ANK3: variants seen among roughly 807,000 people sequenced by gnomAD.
The protein encoded by ANK3 is ankyrin 3.
ANK3 carries 57 observed loss-of-function variants against 370.9 expected under a neutral mutation model. That is an observed-to-expected ratio of 0.15 (90% CI 0.12 to 0.19). The LOEUF (loss-of-function observed/expected upper bound fraction) is 0.19, where lower values mean the gene tolerates loss of function less well. ANK3 is among the 10% of genes least tolerant of loss of function. ANK3 has a pLI of 1.00. For synonymous variants in ANK3, 1,929 were observed against 1,946.3 expected, an observed-to-expected ratio of 0.99 and a Z score of 0.23; for missense variants, 4,439 against 5,302.1, an observed-to-expected ratio of 0.84 and a Z score of 5.06.
At chr10:60,543,720 T>A (rs141939329) in intron 2 of ANK3, among the ~76,000 whole-genome samples, 8 of 152,206 alleles carry the variant, frequency 5.3e-5, no homozygotes, top group Middle Eastern at 3.4e-3. Context: ...TAAAATTTAA[T>A]CTAAAATTTT....
At chr10:60,582,595 G>A (rs1178096569) in intron 2 of ANK3, among the ~76,000 whole-genome samples, 4 of 151,288 alleles carry the variant, frequency 2.6e-5, no homozygotes, top group African/African-American at 9.7e-5. Context: ...GTCACTATGT[G>A]GCTCTGGACA....
At chr10:60,357,393 CATCACCTCCCTCTTATCTTCCACTATCG>C (rs1454723406) in intron 1 of ANK3, among the ~76,000 whole-genome samples, 3 of 152,154 alleles carry the variant, frequency 2.0e-5, no homozygotes, top group African/African-American at 7.2e-5. Context: ...TCCGCCTATC[CATCACCTCCCTCTTATCTTCCACTATCG>C]ATCACCTCCC....
At chr10:60,696,504 T>A (rs1173484353) in intron 1 of ANK3, among the ~76,000 whole-genome samples, 1 of 151,560 alleles carries the variant, frequency 6.6e-6, no homozygotes, top group Non-Finnish European at 1.5e-5. Flanking sequence ...AAATCCCCAA[T>A]AAAATACTGG....
At chr10:60,300,427 A>AAAGGTT (rs2043441647) in intron 1 of ANK3, 4 of 1,288,966 alleles carry the variant, frequency 3.1e-6, no homozygotes, top group African/African-American at 1.5e-5. Flanking sequence ...ATCTAAAAAT[A>AAAGGTT]TCTGCCTTCG....
intron 7 of ANK3, among the ~76,000 whole-genome samples, chr10:60,256,489 A>C (rs986101863): frequency 6.6e-6 from 1 of 152,240 alleles, no homozygotes; most frequent in African/African-American, 2.4e-5. Flanking sequence ...TTTTAAAAAA[A>C]TAATCTCAAC....
chr10:60,576,283 A>G (rs1277634987), intron 2 of ANK3, among the ~76,000 whole-genome samples: 1 of 152,226 alleles, frequency 6.6e-6, no homozygotes, highest in Non-Finnish European at 1.5e-5. Context: ...TAGTTGATAC[A>G]GATCTGAGAC....
At chr10:60,424,250 CAA>C (rs903182786) in intron 2 of ANK3, among the ~76,000 whole-genome samples, 3 of 151,948 alleles carry the variant, frequency 2.0e-5, no homozygotes, top group African/African-American at 4.8e-5. Flanking sequence ...CTTTCATTCT[CAA>C]AAGTGTGATA....
intron 5 of ANK3, among the ~76,000 whole-genome samples, chr10:60,264,478 T>G (rs1349499722): frequency 2.0e-5 from 3 of 151,936 alleles, no homozygotes; most frequent in Non-Finnish European, 4.4e-5. Flanking sequence ...AAACCCCGTC[T>G]CTACTAAAAA....
rs2072429126 is a variant in ANK3, at chr10:60,026,885, A to AATG, written c.*2958_*2960dup. The AATG allele has an allele frequency of 6.6e-6, 1 of 152,242 alleles. No individual in the cohort carries two copies. The allele number at this position is 152,242 out of a possible 1,614,324, so 9.4% of individuals were successfully genotyped here. A position where few individuals can be genotyped will look rare whatever the true frequency, so the allele number is the denominator to read the frequency against. On this transcript the variant is annotated 3_prime_UTR_variant, in exon 44 of 44. Transcript: ENST00000280772. ...TCAATCATAATTCATTTTTTACAGT[A>AATG]ATGTCAATCAATGAAAAGCTTAAAT...
chr10:60,701,168 G>A (rs1470129678), intron 1 of ANK3, among the ~76,000 whole-genome samples: 1 of 151,798 alleles, frequency 6.6e-6, no homozygotes, highest in African/African-American at 2.4e-5. Context: ...TCTCATAAGA[G>A]AAATGAAAAG....
chr10:60,312,791 G>A (rs557889163), intron 1 of ANK3, among the ~76,000 whole-genome samples: 1 of 152,322 alleles, frequency 6.6e-6, no homozygotes, highest in East Asian at 1.9e-4. Context: ...TCAAAAATCA[G>A]ATGTTTTAAG....
intron 25 of ANK3, among the ~76,000 whole-genome samples, chr10:60,133,857 T>C (rs2094211570): frequency 6.6e-6 from 1 of 152,042 alleles, no homozygotes; most frequent in African/African-American, 2.4e-5. Context: ...AGGCAGAGGC[T>C]GCAGTGAGCT....
At chr10:60,537,794 T>G (rs576769571) in intron 2 of ANK3, among the ~76,000 whole-genome samples, 2 of 152,102 alleles carry the variant, frequency 1.3e-5, no homozygotes, top group South Asian at 4.1e-4. Flanking sequence ...TATGGCTTAT[T>G]GGCTATAGGC....
chr10:60,307,810 C>T (rs1593430813), intron 1 of ANK3, among the ~76,000 whole-genome samples: 2 of 152,166 alleles, frequency 1.3e-5, no homozygotes, highest in Admixed American at 1.3e-4. Flanking sequence ...TAATTTAAAG[C>T]ATTAATATCC....
In ANK3 at chr10:60,583,511, G is replaced by GTTT. The variant is rs750384975; in HGVS notation, c.96+31672_96+31674dup. ...CATATAGCTTACAGAGAGGTTTTTTGTTTTTTGTTTTTTGTTTTTTTTTGA... is the reference window on the plus strand; with the variant it reads ...CATATAGCTTACAGAGAGGTTTTTTGTTTTTTTTTGTTTTTTGTTTTTTTTTGA... On this transcript the variant is annotated intron_variant, in intron 2 of 43. Coordinates refer to the ANK3 transcript ENST00000373827. 2.9e-3 allele frequency among the ~76,000 whole-genome samples: 291 copies of GTTT among 100,042 alleles called. 54 individuals are homozygous for GTTT. The highest frequency in any genetic ancestry group is 9.9e-3 in the East Asian group (28 of 2,838). 65.6% of individuals were successfully genotyped at this position (100,042 alleles called of 152,430 possible). A position where few individuals can be genotyped will look rare whatever the true frequency, so the allele number is the denominator to read the frequency against.
intron 11 of ANK3, among the ~76,000 whole-genome samples, chr10:60,205,320 G>A (rs10733760): frequency 0.73 from 110,455 of 151,856 alleles, 40,236 homozygotes; most frequent in East Asian, 0.86. Context: ...TTGACATTTT[G>A]AATCAGACGA....
chr10:60,395,158 A>G (rs547739701), intron 2 of ANK3, among the ~76,000 whole-genome samples: 2 of 152,344 alleles, frequency 1.3e-5, no homozygotes, highest in Non-Finnish European at 2.9e-5. Context: ...ATTTTATGAT[A>G]TAACATACAG....
intron 25 of ANK3, among the ~76,000 whole-genome samples, chr10:60,126,755 C>T (rs2093782924): frequency 1.3e-5 from 2 of 151,928 alleles, no homozygotes; most frequent in Admixed American, 1.3e-4. Context: ...CATAGTTCCT[C>T]ATTTTCTCTT....
At chr10:60,405,235 A>G (rs2063429793) in intron 2 of ANK3, among the ~76,000 whole-genome samples, 1 of 152,206 alleles carries the variant, frequency 6.6e-6, no homozygotes, top group Non-Finnish European at 1.5e-5. Context: ...ATGTTTATGG[A>G]AGCTTTATTT....
Sources: allele counts gnomAD v4.1 joint callset (sites outside exome capture counted in the v4.1 genomes callset), GRCh38; gene constraint gnomAD v4.1.1; transcripts MANE v1.5; gene names NCBI Gene and HGNC (gene_info 2026-07-23, HGNC 2026-07-21).